The following ADGRL3 variants were observed in gnomAD, a reference collection of about 807,000 sequenced individuals.
ADGRL3 encodes adhesion G protein-coupled receptor L3.
In ADGRL3, 62 loss-of-function variants were observed where a neutral mutation model predicts 153.5. The ratio of observed to expected loss-of-function variants is 0.40; its 90% CI spans 0.33 to 0.50. ADGRL3 has a LOEUF of 0.50. Among genes scored for constraint, ADGRL3 ranks in the 20% least tolerant of loss-of-function variants. ADGRL3 has a pLI of 0.47. For synonymous variants in ADGRL3, 710 were observed against 672.5 expected, an observed-to-expected ratio of 1.06 and a Z score of -0.86; for missense variants, 1,641 against 1,859.4, an observed-to-expected ratio of 0.88 and a Z score of 2.16.
At chr4:61,732,618 CT>C in intron 7 of ADGRL3, 135 bp from the exon 8 acceptor site, 1 of 461,120 alleles carries the variant, frequency 2.2e-6, no homozygotes, top group Non-Finnish European at 3.7e-6. Context: ...ACTTTGTGTT[CT>C]TAAAAGAATG....
chr4:61,266,818 T>G (rs751267078), intron 1 of ADGRL3, among the ~76,000 whole-genome samples: 2 of 151,750 alleles, frequency 1.3e-5, no homozygotes, highest in African/African-American at 4.8e-5. Flanking sequence ...AAGCCAGAAC[T>G]AATGTCAGTG....
chr4:61,433,346 C>T (rs759688103), intron 2 of ADGRL3, among the ~76,000 whole-genome samples: 15 of 138,142 alleles, frequency 1.1e-4, no homozygotes, highest in Middle Eastern at 4.0e-3. Context: ...AGTTTCAGGA[C>T]TGTGAATAGC....
chr4:61,622,648 T>TA (rs1360356726), intron 5 of ADGRL3, among the ~76,000 whole-genome samples: 2 of 152,148 alleles, frequency 1.3e-5, no homozygotes, highest in African/African-American at 4.8e-5. Context: ...GTGCTAGGCA[T>TA]TCTGGTGTGC....
At chr4:61,509,419 C>T (rs145635840) in intron 3 of ADGRL3, among the ~76,000 whole-genome samples, 171 of 152,194 alleles carry the variant, frequency 1.1e-3, no homozygotes, top group African/African-American at 3.9e-3. Context: ...TGAACCACTG[C>T]GCCTGGCACA....
chr4:61,550,081 A>G (rs2098733291), intron 4 of ADGRL3, among the ~76,000 whole-genome samples: 1 of 152,024 alleles, frequency 6.6e-6, no homozygotes, highest in African/African-American at 2.4e-5. Context: ...TTTAGTGTAT[A>G]ATTTTAATCA....
In ADGRL3 at chr4:61,209,026, T is replaced by C. The variant is rs1192715097; in HGVS notation, c.-240+7261T>C. 2.0e-5 allele frequency among the ~76,000 whole-genome samples: 3 copies of C among 152,158 alleles called. No individual in the cohort carries two copies. The East Asian group carries it at 5.8e-4, about 29-fold the overall frequency. On this transcript the variant is annotated intron_variant, in intron 1 of 26. Transcript: ENST00000683033. ...TGTGTAATACTTTTAAATGAGACTT[T>C]GGCAACTATTTAAGAACTTTAAGTT...
chr4:61,366,775 C>T (rs574752249), intron 1 of ADGRL3, among the ~76,000 whole-genome samples: 1 of 152,110 alleles, frequency 6.6e-6, no homozygotes, highest in East Asian at 1.9e-4. Context: ...ACCTTTTAAG[C>T]TTATTATTGC....
At chr4:61,643,185 T>C (rs2093774327) in intron 5 of ADGRL3, among the ~76,000 whole-genome samples, 1 of 152,150 alleles carries the variant, frequency 6.6e-6, no homozygotes, top group African/African-American at 2.4e-5. Flanking sequence ...AAGGAGATTT[T>C]GGGCTGAGAC....
At chr4:61,421,729 G>A (rs2097209703) in intron 2 of ADGRL3, among the ~76,000 whole-genome samples, 1 of 152,008 alleles carries the variant, frequency 6.6e-6, no homozygotes, top group South Asian at 2.1e-4. Flanking sequence ...GTACCATTAA[G>A]TAAAGGTATA....
chr4:61,620,022 T>G (rs2092384475), intron 5 of ADGRL3, among the ~76,000 whole-genome samples: 1 of 151,792 alleles, frequency 6.6e-6, no homozygotes, highest in Non-Finnish European at 1.5e-5. Flanking sequence ...TATTTAAATC[T>G]TATTAAGTAA....
chr4:61,375,551 A>T (rs1421663927), intron 1 of ADGRL3, among the ~76,000 whole-genome samples: 1 of 152,142 alleles, frequency 6.6e-6, no homozygotes, highest in Admixed American at 6.6e-5. Context: ...AGATTTTGGT[A>T]TGTTTAACCA....
intron 24 of ADGRL3, among the ~76,000 whole-genome samples, chr4:62,039,682 A>G (rs1233967001): frequency 6.6e-6 from 1 of 152,128 alleles, no homozygotes; most frequent in South Asian, 2.1e-4. Flanking sequence ...GTGGGGGCAG[A>G]CCAGGATGAT....
intron 8 of ADGRL3, among the ~76,000 whole-genome samples, chr4:61,740,331 A>G (rs2096567475): frequency 1.3e-5 from 2 of 152,204 alleles, no homozygotes; most frequent in Non-Finnish European, 2.9e-5. Flanking sequence ...AGTGATTCTC[A>G]CATGAGCATC....
At chr4:61,731,196 A>C (rs1485505871) in intron 7 of ADGRL3, among the ~76,000 whole-genome samples, 1 of 151,968 alleles carries the variant, frequency 6.6e-6, no homozygotes, top group Non-Finnish European at 1.5e-5. Flanking sequence ...TATCCTTTCT[A>C]TGGAAGATTT....
At chr4:61,955,806 A>G (rs2098963924) in intron 17 of ADGRL3, among the ~76,000 whole-genome samples, 1 of 151,948 alleles carries the variant, frequency 6.6e-6, no homozygotes, top group Non-Finnish European at 1.5e-5. Flanking sequence ...CTATTTCTGT[A>G]TTAGTTTGCT....
intron 5 of ADGRL3, among the ~76,000 whole-genome samples, chr4:61,641,469 A>G (rs924115368): frequency 2.3e-4 from 27 of 119,646 alleles, no homozygotes; most frequent in African/African-American, 8.0e-4. Context: ...TCAGAGTGTG[A>G]TGTTCCCCTT....
intron 9 of ADGRL3, among the ~76,000 whole-genome samples, chr4:61,890,765 T>C (rs2098574330): frequency 6.6e-6 from 1 of 152,222 alleles, no homozygotes; most frequent in African/African-American, 2.4e-5. Context: ...CCACGTAGTA[T>C]GATGTCAAAA....
chr4:61,827,028 G>A (rs896265525), intron 9 of ADGRL3, among the ~76,000 whole-genome samples: 2 of 152,062 alleles, frequency 1.3e-5, no homozygotes, highest in Non-Finnish European at 2.9e-5. Context: ...GGGCAAAATG[G>A]GTTCACTTTT....
At chr4:61,589,365 C>A (rs954519102) in intron 5 of ADGRL3, among the ~76,000 whole-genome samples, 5 of 151,984 alleles carry the variant, frequency 3.3e-5, no homozygotes, top group African/African-American at 1.2e-4. Context: ...TTGTAAGCTC[C>A]CAAGAGGCAC....
Sources: gnomAD v4.1 joint callset for allele counts (sites outside exome capture counted in the v4.1 genomes callset) on GRCh38, gnomAD v4.1.1 for gene constraint, MANE v1.5 for transcripts, NCBI Gene and HGNC (gene_info 2026-07-23, HGNC 2026-07-21) for gene names.